The following DOCK5 variants were observed in gnomAD, a reference collection of about 807,000 sequenced individuals.
DOCK5 encodes dedicator of cytokinesis protein 5.
In DOCK5, 142 loss-of-function variants were observed where a neutral mutation model predicts 251.8. That is an observed-to-expected ratio of 0.56 (90% CI 0.49 to 0.65). DOCK5 has a LOEUF of 0.65. Among genes scored for constraint, DOCK5 ranks in the 30% least tolerant of loss-of-function variants. DOCK5 has a pLI of 0.00. For synonymous variants in DOCK5, 842 were observed against 835.5 expected (o/e 1.01, Z -0.13); for missense variants, 2,111 against 2,312.3 (o/e 0.91, Z 1.79).
chr8:25,251,079 A>G (rs748050814), intron 2 of DOCK5, among the ~76,000 whole-genome samples: 25 of 152,154 alleles, frequency 1.6e-4, no homozygotes, highest in Admixed American at 5.2e-4. Context: ...AAGTGGTTTT[A>G]GGCCTGGAGT....
intron 1 of DOCK5, among the ~76,000 whole-genome samples, chr8:25,209,212 C>T (rs1463348979): frequency 5.3e-5 from 1 of 18,810 alleles, no homozygotes; most frequent in African/African-American, 7.7e-5. Flanking sequence ...TCTCACCACA[C>T]GCAAGTTCGT....
intron 14 of DOCK5, chr8:25,317,485 CTCGAATAG>C (rs1586323772): frequency 5.7e-6 from 1 of 176,344 alleles, no homozygotes; most frequent in East Asian, 1.4e-4. Flanking sequence ...GGCCTGGGTG[CTCGAATAG>C]CATCAGAAAG....
At position 25,414,898 on chromosome 8, in the gene DOCK5, C is replaced by T. The variant is rs1801683697; in HGVS notation, c.*3600C>T. The T allele has an allele frequency of 7.5e-5, 3 of 40,062 alleles. No individual in the cohort carries two copies. Among genetic ancestry groups the T allele is most frequent in the South Asian group, 7.9e-4 (1 of 1,268 alleles). The allele number at this position is 40,062 out of a possible 1,614,324, so 2.5% of individuals were successfully genotyped here. On this transcript the variant is annotated 3_prime_UTR_variant, in exon 52 of 52. Transcript: ENST00000276440. Reference sequence around the variant, plus strand: ...TTAACAAGTCAATTTGTAGTCAGTCCCTGGGCCTGTCTTTTTTTTTTTTTA... The same window carrying T: ...TTAACAAGTCAATTTGTAGTCAGTCTCTGGGCCTGTCTTTTTTTTTTTTTA...
At chr8:25,226,501 TG>T (rs1407570500) in intron 1 of DOCK5, among the ~76,000 whole-genome samples, 1 of 151,934 alleles carries the variant, frequency 6.6e-6, no homozygotes, top group African/African-American at 2.4e-5. Flanking sequence ...TGACCTCAGG[TG>T]ATCTGCCCGT....
chr8:25,248,529 C>T (rs1803178540), intron 2 of DOCK5, among the ~76,000 whole-genome samples: 1 of 152,066 alleles, frequency 6.6e-6, no homozygotes, highest in African/African-American at 2.4e-5. Context: ...GCACTCTGCC[C>T]CACCCTGCCC....
At chr8:25,231,062 C>G (rs994954747) in intron 1 of DOCK5, among the ~76,000 whole-genome samples, 4 of 151,996 alleles carry the variant, frequency 2.6e-5, no homozygotes, top group Non-Finnish European at 5.9e-5. Flanking sequence ...GTTTCATTTC[C>G]TCCTTTTTTT....
chr8:25,284,215 C>G (rs540941884), intron 5 of DOCK5, among the ~76,000 whole-genome samples: 48 of 152,212 alleles, frequency 3.2e-4, no homozygotes, highest in African/African-American at 1.1e-3. Flanking sequence ...TGCTATATGC[C>G]TTGCAAATTT....
At chr8:25,308,971 G>A (rs767148581) in intron 12 of DOCK5, 46 bp downstream of exon 12, 7 of 1,584,970 alleles carry the variant, frequency 4.4e-6, no homozygotes, top group Admixed American at 1.7e-5. Context: ...TGAGGGTGGG[G>A]GACATTCACA....
In DOCK5 at chr8:25,340,858, T is replaced by C. The variant is rs781667555; in HGVS notation, c.2328-19T>C. 3 of 1,604,656 alleles carry C rather than the reference T, an allele frequency of 1.9e-6. No individual in the cohort carries two copies. Among genetic ancestry groups the C allele is most frequent in the Non-Finnish European group, 2.6e-6 (3 of 1,173,564 alleles). On this transcript the variant is annotated intron_variant, in intron 22 of 51. Coordinates refer to ENST00000276440, the MANE Select transcript of DOCK5 (RefSeq NM_024940.8). ...TTAACAATGGAAAGTCCAACTGCTT[T>C]TGTCTTTTTCCTATTAAGATTTTAT...
At chr8:25,377,159 G>A (rs1187050659) in intron 37 of DOCK5, 146 bp from the exon 38 acceptor site, 4 of 1,090,096 alleles carry the variant, frequency 3.7e-6, no homozygotes, top group East Asian at 2.8e-5. Flanking sequence ...GCTGGCATGT[G>A]TATATGTGTG....
intron 1 of DOCK5, among the ~76,000 whole-genome samples, chr8:25,235,581 C>T (rs1586251622): frequency 6.6e-6 from 1 of 152,044 alleles, no homozygotes; most frequent in South Asian, 2.1e-4. Flanking sequence ...TTCGAATTGC[C>T]TTGTTTCTGC....
intron 45 of DOCK5, among the ~76,000 whole-genome samples, chr8:25,397,934 A>G (rs1801375335): frequency 6.6e-6 from 1 of 152,258 alleles, no homozygotes; most frequent in Non-Finnish European, 1.5e-5. Flanking sequence ...AAACGTAAGA[A>G]AAAGGTAAAC....
chr8:25,281,353 C>T (rs181384325), intron 5 of DOCK5, among the ~76,000 whole-genome samples: 44 of 148,912 alleles, frequency 3.0e-4, no homozygotes, highest in Non-Finnish European at 5.4e-4. Flanking sequence ...GCAGGAGAAT[C>T]GCTTGAACTG....
At chr8:25,278,093 G>A (rs1804093541) in intron 4 of DOCK5, among the ~76,000 whole-genome samples, 2 of 152,078 alleles carry the variant, frequency 1.3e-5, no homozygotes, top group Non-Finnish European at 2.9e-5. Context: ...TCCAGAAAGG[G>A]GTGCTGCCTC....
Position 25,323,860 on chromosome 8 carries a change from C to T in DOCK5, c.1628C>T (p.Ser543Leu), listed in dbSNP as rs781464699. Reference protein sequence around the residue: ...HRSSQETRDKSERAFGVAFVK... With the variant: ...HRSSQETRDKLERAFGVAFVK... Reference sequence around the variant, plus strand: ...TCTGCCTTTTCAGCCAGAGATAAATCGGAGCGAGCATTTGGGGTGGCCTTC... The same window carrying T: ...TCTGCCTTTTCAGCCAGAGATAAATTGGAGCGAGCATTTGGGGTGGCCTTC... The change falls in exon 17 of 52, where the codon TCG becomes TTG. Residue 543 changes from serine (S) to leucine (L), a missense_variant. Ser to Leu is a moderately radical substitution (Grantham distance 145). Transcript: ENST00000276440. The T allele has an allele frequency of 4.2e-5, 67 of 1,612,972 alleles. No homozygotes were observed. The highest frequency in any genetic ancestry group is 5.0e-5 in the Non-Finnish European group (59 of 1,179,568).
chr8:25,254,818 G>T (rs1326329754), intron 2 of DOCK5, among the ~76,000 whole-genome samples: 1 of 133,878 alleles, frequency 7.5e-6, no homozygotes, highest in Non-Finnish European at 1.6e-5. Context: ...TTTGATAAAG[G>T]ACTATTATCT....
intron 42 of DOCK5, among the ~76,000 whole-genome samples, chr8:25,391,201 GTGTGTGTGTGT>G (rs1428789704): frequency 0.099 from 13,805 of 139,650 alleles, 784 homozygotes; most frequent in African/African-American, 0.12. Flanking sequence ...CCACACCTGT[GTGTGTGTGTGT>G]GTGTGTGTGT....
chr8:25,203,773 CT>C (rs1801936303), intron 1 of DOCK5, among the ~76,000 whole-genome samples: 1 of 152,154 alleles, frequency 6.6e-6, no homozygotes, highest in East Asian at 1.9e-4. Context: ...GTGATTTTTT[CT>C]TTTATTTGCC....
At chr8:25,236,206 G>A (rs1289857193) in intron 1 of DOCK5, among the ~76,000 whole-genome samples, 1 of 152,160 alleles carries the variant, frequency 6.6e-6, no homozygotes, top group South Asian at 2.1e-4. Context: ...TGCTCTTATG[G>A]AGTACTGTTG....
Sources: allele counts gnomAD v4.1 joint callset (sites outside exome capture counted in the v4.1 genomes callset), GRCh38; gene constraint gnomAD v4.1.1; transcripts MANE v1.5; gene names NCBI Gene and HGNC (gene_info 2026-07-23, HGNC 2026-07-21).